The following SMOC1 variants were observed in gnomAD, a reference collection of about 807,000 sequenced individuals.
The protein encoded by SMOC1 is SPARC related modular calcium binding 1.
A neutral mutation model predicts 56.3 loss-of-function variants in SMOC1; 22 were observed. The observed-to-expected ratio is 0.39, with a 90% CI of 0.28 to 0.56. SMOC1 has a LOEUF of 0.56. Ranked by LOEUF, SMOC1 falls within the 20% of genes least tolerant of loss-of-function variation. The probability of loss-of-function intolerance (pLI) is 0.61; values close to 1 mark genes in which losing one functional copy is unlikely to be tolerated. For missense variants in SMOC1, 509 were observed against 565.4 expected (o/e 0.90, Z 1.01); for synonymous variants, 193 against 215.0 (o/e 0.90, Z 0.89).
intron 1 of SMOC1, among the ~76,000 whole-genome samples, chr14:69,948,859 G>A (rs1280819610): frequency 6.6e-6 from 1 of 152,144 alleles, no homozygotes; most frequent in African/African-American, 2.4e-5. Flanking sequence ...GAGAAGCTAG[G>A]CAACGTTTCC....
rs753526052 is a variant in SMOC1, at chr14:70,010,817, G to T, written c.728G>T (p.Arg243Leu). ...CTGGAAGAGGCCCAGCAGAATCCCC[G>T]TGAGGGTATTGTCATCCCTGAATGT... ...SALEEAQQNPREGIVIPECAP... is the reference protein window; with the variant it reads ...SALEEAQQNPLEGIVIPECAP... The change falls in exon 8 of 12, where the codon CGT becomes CTT. Residue 243 changes from arginine to leucine, a missense_variant. Physicochemically the swap from Arg to Leu is moderately radical, Grantham distance 102 (BLOSUM62 -2). Around this residue, in one of 3 missense-constraint regions of SMOC1, gnomAD observed 315 missense variants for 333.1 expected, o/e 0.95. Coordinates refer to ENST00000361956, the MANE Select transcript of SMOC1 (RefSeq NM_001034852.3). The T allele has an allele frequency of 1.2e-6, 2 of 1,614,110 alleles. No individual in the cohort carries two copies. The highest frequency in any genetic ancestry group is 1.7e-5 in the Admixed American group (1 of 60,012).
chr14:69,883,954 C>T lies in SMOC1; in HGVS notation c.99+4177C>T, dbSNP rs560792442. Among the ~76,000 whole-genome samples the T allele has an allele frequency of 8.3e-5, 10 of 121,140 alleles. No homozygotes were observed. The South Asian group carries it at 1.7e-3, about 20-fold the overall frequency. 79.5% of individuals were successfully genotyped at this position (121,140 alleles called of 152,430 possible). ...TCGCTCTGTCGCCCAGGCCGGACTG[C>T]GGACTGCAGTGGCGCAATCTTGGCT... On this transcript the variant is annotated intron_variant, in intron 1 of 11. Coordinates refer to ENST00000361956, the MANE Select transcript of SMOC1 (RefSeq NM_001034852.3).
chr14:69,920,869 C>T (rs1884820995), intron 1 of SMOC1, among the ~76,000 whole-genome samples: 1 of 152,262 alleles, frequency 6.6e-6, no homozygotes, highest in Non-Finnish European at 1.5e-5. Context: ...GAGGGCACAG[C>T]ACAGTGAAAG....
intron 1 of SMOC1, among the ~76,000 whole-genome samples, chr14:69,906,190 G>C (rs61980622): frequency 0.1 from 15,264 of 152,192 alleles, 823 homozygotes; most frequent in African/African-American, 0.14. Context: ...AGAGACAAGG[G>C]CTGTGTTCCT....
At chr14:69,961,849 T>G (rs1883393278) in intron 3 of SMOC1, among the ~76,000 whole-genome samples, 1 of 152,232 alleles carries the variant, frequency 6.6e-6, no homozygotes, top group Non-Finnish European at 1.5e-5. Flanking sequence ...CCAAGGTAGC[T>G]GAACCATTTT....
intron 1 of SMOC1, among the ~76,000 whole-genome samples, chr14:69,917,869 T>G (rs77211092): frequency 0.036 from 5,476 of 152,238 alleles, 131 homozygotes; most frequent in Admixed American, 0.066. Context: ...TAATGAATGT[T>G]GGATGCTGAG....
intron 7 of SMOC1, among the ~76,000 whole-genome samples, chr14:69,999,429 C>T (rs144869789): frequency 5.3e-5 from 8 of 152,192 alleles, no homozygotes; most frequent in Non-Finnish European, 7.3e-5. Context: ...CGGTAGCCGT[C>T]GTAAGCAAAT....
intron 1 of SMOC1, among the ~76,000 whole-genome samples, chr14:69,897,219 CCA>C (rs1205825854): frequency 1.3e-5 from 2 of 152,190 alleles, no homozygotes; most frequent in African/African-American, 4.8e-5. Context: ...TGTTGTGTAA[CCA>C]CACACCATCC....
chr14:69,985,359 A>G (rs1287884495), intron 5 of SMOC1, among the ~76,000 whole-genome samples: 3 of 152,222 alleles, frequency 2.0e-5, no homozygotes, highest in African/African-American at 7.2e-5. Context: ...AACTAAACAT[A>G]CATATACCAT....
chr14:70,020,659 G>T (rs1031831310), intron 10 of SMOC1, among the ~76,000 whole-genome samples: 3 of 152,164 alleles, frequency 2.0e-5, no homozygotes, highest in Admixed American at 1.3e-4. Flanking sequence ...CAGGCAGGGT[G>T]GGGGGCAGCA....
chr14:69,975,901 A>G, intron 4 of SMOC1, 87 bp downstream of exon 4: 1 of 923,824 alleles, frequency 1.1e-6, no homozygotes, highest in South Asian at 1.4e-5. Context: ...GAACCTTTAG[A>G]AGGTTGATGG....
At chr14:69,886,779 G>A (rs1796125272) in intron 1 of SMOC1, among the ~76,000 whole-genome samples, 1 of 152,132 alleles carries the variant, frequency 6.6e-6, no homozygotes, top group African/African-American at 2.4e-5. Context: ...TTCCATATGG[G>A]GGGATTTAGC....
intron 1 of SMOC1, among the ~76,000 whole-genome samples, chr14:69,891,224 G>A (rs1184336697): frequency 2.0e-5 from 3 of 152,176 alleles, no homozygotes; most frequent in African/African-American, 7.2e-5. Flanking sequence ...ATGCTGTGTG[G>A]AGCTCAGGTT....
At chr14:69,927,729 T>C (rs1885048773) in intron 1 of SMOC1, among the ~76,000 whole-genome samples, 1 of 152,120 alleles carries the variant, frequency 6.6e-6, no homozygotes. Context: ...GGGGCAGGAT[T>C]GCTTGGGGGT....
chr14:69,895,244 A>G (rs1014245156), intron 1 of SMOC1, among the ~76,000 whole-genome samples: 3 of 152,236 alleles, frequency 2.0e-5, no homozygotes, highest in East Asian at 1.9e-4. Context: ...ATTTCATAGC[A>G]TTCTCATTTC....
chr14:69,903,848 C>T (rs1167395573), intron 1 of SMOC1, among the ~76,000 whole-genome samples: 1 of 151,490 alleles, frequency 6.6e-6, no homozygotes, highest in East Asian at 1.9e-4. Context: ...CCACTATTGT[C>T]CTATGACCCT....
chr14:70,011,744 A>C (rs182460879), intron 9 of SMOC1, among the ~76,000 whole-genome samples, 177 bp downstream of exon 9: 30 of 152,342 alleles, frequency 2.0e-4, no homozygotes, highest in Admixed American at 1.0e-3. Flanking sequence ...GCTCTTGTGC[A>C]CATTGCTTCT....
At chr14:69,965,377 AAATAATAATAAT>A (rs544015097) in intron 3 of SMOC1, among the ~76,000 whole-genome samples, 1 of 113,880 alleles carries the variant, frequency 8.8e-6, no homozygotes, top group African/African-American at 2.7e-5. Context: ...CAAGACTCTC[AAATAATAATAAT>A]AATAATAATA....
At chr14:69,962,113 T>C (rs8004069) in intron 3 of SMOC1, among the ~76,000 whole-genome samples, 52,328 of 151,938 alleles carry the variant, frequency 0.34, 9,379 homozygotes, top group African/African-American at 0.42. Context: ...TATCTTTTCA[T>C]TATTGAGTTA....
Sources: allele counts gnomAD v4.1 joint callset (sites outside exome capture counted in the v4.1 genomes callset), GRCh38; gene constraint gnomAD v4.1.1; regional missense constraint gnomAD v4.1.1; transcripts MANE v1.5; gene names NCBI Gene and HGNC (gene_info 2026-07-23, HGNC 2026-07-21).